FAXDC2: variants seen among roughly 807,000 people sequenced by gnomAD.
The protein encoded by FAXDC2 is fatty acid hydroxylase domain-containing protein 2.
Under a neutral mutation model 40.9 loss-of-function variants are expected in FAXDC2, and 41 were observed. That is an observed-to-expected ratio of 1.00 (90% CI 0.78 to 1.30). FAXDC2 has a LOEUF of 1.30. Among genes scored for constraint, FAXDC2 ranks in the 50% most tolerant of loss-of-function variants. FAXDC2 has a pLI of 0.00. For synonymous variants in FAXDC2, 157 were observed against 149.3 expected, an observed-to-expected ratio of 1.05 and a Z score of -0.38; for missense variants, 390 against 408.8, an observed-to-expected ratio of 0.95 and a Z score of 0.40.
chr5:154,846,490 G>A (rs1038632415), intron 1 of FAXDC2, among the ~76,000 whole-genome samples: 1 of 152,050 alleles, frequency 6.6e-6, no homozygotes, highest in African/African-American at 2.4e-5. Context: ...ATTTTAGAAT[G>A]GAATGCATTC....
rs1464097516 is a variant in FAXDC2 at position 154,834,055 on chromosome 5, ATG to A, written c.244+568_244+569del. 4.7e-5 allele frequency among the ~76,000 whole-genome samples: 7 copies of A among 148,456 alleles called. No homozygotes were observed. The East Asian group carries it at 9.7e-4, about 21-fold the overall frequency. On this transcript the variant is annotated intron_variant, in intron 4 of 8. Coordinates refer to ENST00000326080, the MANE Select transcript of FAXDC2 (RefSeq NM_032385.5). ...TATGTCATATTAATAATATAAATAA[ATG>A]TATATTATATATAATATATATTAAA...
rs561132814 is a variant in FAXDC2 at position 154,842,526 on chromosome 5, T to C, written c.1-4348A>G. On this transcript the variant is annotated intron_variant, in intron 1 of 8. Transcript: ENST00000326080. Reference sequence around the variant, plus strand: ...GCCCTTTGTGTGTTTTTTTTTTTTTTTTTTTTTTTTTTTTGAGACAGAGTC... The same window carrying C: ...GCCCTTTGTGTGTTTTTTTTTTTTTCTTTTTTTTTTTTTTGAGACAGAGTC... 4.0e-5 allele frequency among the ~76,000 whole-genome samples: 5 copies of C among 126,376 alleles called. No homozygotes were observed. The East Asian group carries it at 1.1e-3, about 28-fold the overall frequency. 82.9% of individuals were successfully genotyped at this position (126,376 alleles called of 152,430 possible).
chr5:154,820,253 A>G lies in FAXDC2; in HGVS notation c.*63T>C. The G allele has an allele frequency of 7.2e-7, 1 of 1,389,882 alleles. No homozygotes were observed. The highest frequency in any genetic ancestry group is 2.2e-5 in the Admixed American group (1 of 46,434). The allele number at this position is 1,389,882 out of a possible 1,614,324, so 86.1% of individuals were successfully genotyped here. A position where few individuals can be genotyped will look rare whatever the true frequency, so the allele number is the denominator to read the frequency against. ...CGAAGGAGGCAAATTGTTAGGTGCA[A>G]TCAGGAAGCCGTGTCTGCATCCCAT... On this transcript the variant is annotated 3_prime_UTR_variant, in exon 9 of 9. Transcript: ENST00000326080.
chr5:154,824,551 C>T lies in FAXDC2; in HGVS notation c.367-959G>A, dbSNP rs767294026. ...TCCATCCCATTGCGAGGCCAGGTCTCGCCAGCCTGTTGTGAGAGGACATGT... is the reference window on the plus strand; with the variant it reads ...TCCATCCCATTGCGAGGCCAGGTCTTGCCAGCCTGTTGTGAGAGGACATGT... On this transcript the variant is annotated intron_variant, in intron 5 of 8. Coordinates refer to ENST00000326080, the MANE Select transcript of FAXDC2 (RefSeq NM_032385.5). 324 of 702,576 alleles carry T rather than the reference C, an allele frequency of 4.6e-4. 2 individuals are homozygous for T. In the Middle Eastern group the frequency reaches 7.8e-3, roughly 17 times the overall value. 43.5% of individuals were successfully genotyped at this position (702,576 alleles called of 1,614,324 possible). A position where few individuals can be genotyped will look rare whatever the true frequency, so the allele number is the denominator to read the frequency against.
intron 5 of FAXDC2, among the ~76,000 whole-genome samples, chr5:154,828,088 G>A (rs1465544386): frequency 3.3e-5 from 5 of 151,566 alleles, no homozygotes; most frequent in Admixed American, 3.3e-4. Flanking sequence ...GGGCTCAAGT[G>A]ATCCTCCTGC....
chr5:154,834,785 C>T (rs753893266), intron 3 of FAXDC2, 57 bp from the exon 4 acceptor site: 15 of 1,591,422 alleles, frequency 9.4e-6, no homozygotes, highest in Admixed American at 1.7e-5. Flanking sequence ...GCTCCTTCCC[C>T]TATGCTCTGC....
rs1309249809 is a variant in FAXDC2, at chr5:154,820,330, T to C, written c.988A>G (p.Lys330Glu). Residue 330 changes from lysine (K) to glutamate (E), a missense_variant, in exon 9 of 9, where the codon AAG (lysine) becomes GAG (glutamate). Lys to Glu is a moderately conservative substitution (Grantham distance 56, BLOSUM62 1). Coordinates refer to ENST00000326080, the MANE Select transcript of FAXDC2 (RefSeq NM_032385.5). The stretch of plus-strand genomic sequence containing the variant: ...TAGGCTGTCTCTCACTCCATCCTCT[T>C]TGGGGAGTCTGGGATGCTCTCAGAG... Reference protein sequence around the residue: ...PLSESIPDSPKRME With the variant: ...PLSESIPDSPERME 2 of 1,610,648 alleles carry C rather than the reference T, an allele frequency of 1.2e-6. No individual in the cohort carries two copies. The highest frequency in any genetic ancestry group is 1.3e-5 in the African/African-American group (1 of 74,828).
intron 1 of FAXDC2, among the ~76,000 whole-genome samples, chr5:154,844,822 C>CA (rs1307836812): frequency 6.6e-6 from 1 of 152,168 alleles, no homozygotes. Flanking sequence ...GTTCACTCTA[C>CA]AGGGCAGAGT....
At position 154,834,743 on chromosome 5, in the gene FAXDC2, C is replaced by G; in HGVS notation, c.141-15G>C. ...TCTGAAGATGCCTTGGAAAAAAAAC[C>G]AGGTTTCTGGGTGAAGACTAGTGGG... is the stretch of plus-strand genomic sequence containing the variant. On this transcript the variant is annotated splice_polypyrimidine_tract_variant and intron_variant, in intron 3 of 8. Coordinates refer to ENST00000326080, the MANE Select transcript of FAXDC2 (RefSeq NM_032385.5). 6.2e-7 allele frequency: 1 copy of G among 1,612,884 alleles called. No homozygotes were observed. The highest frequency in any genetic ancestry group is 1.1e-5 in the South Asian group (1 of 90,990).
intron 2 of FAXDC2, chr5:154,835,232 C>T (rs1212633831): frequency 6.4e-6 from 2 of 311,524 alleles, no homozygotes; most frequent in Admixed American, 9.2e-5. Flanking sequence ...ACAGGCGAGC[C>T]TCTATCAGCC....
At chr5:154,845,726 A>ATT (rs1713359736) in intron 1 of FAXDC2, among the ~76,000 whole-genome samples, 1 of 151,430 alleles carries the variant, frequency 6.6e-6, no homozygotes, top group Non-Finnish European at 1.5e-5. Context: ...AGATGCCCCC[A>ATT]TTTTCCAACT....
chr5:154,826,237 G>T (rs932969671), intron 5 of FAXDC2, among the ~76,000 whole-genome samples: 1 of 152,016 alleles, frequency 6.6e-6, no homozygotes, highest in Non-Finnish European at 1.5e-5. Context: ...ACAATCAGAT[G>T]TGATGGGGAG....
intron 1 of FAXDC2, among the ~76,000 whole-genome samples, chr5:154,841,985 G>C (rs1271859125): frequency 6.6e-6 from 1 of 152,094 alleles, no homozygotes; most frequent in Non-Finnish European, 1.5e-5. Flanking sequence ...TGATCCACCT[G>C]CCTCGGCCTT....
At chr5:154,820,831 T>TA in intron 8 of FAXDC2, 1 of 247,192 alleles carries the variant, frequency 4.0e-6, no homozygotes, top group Non-Finnish European at 8.2e-6. Context: ...CTCCCCCAGA[T>TA]ACCTTAGTTC....
intron 5 of FAXDC2, among the ~76,000 whole-genome samples, chr5:154,828,958 C>T (rs1462119933): frequency 1.2e-4 from 17 of 147,246 alleles, no homozygotes; most frequent in Non-Finnish European, 2.2e-4. Flanking sequence ...CTTGCTCTGT[C>T]GCCCAGGCTG....
intron 1 of FAXDC2, among the ~76,000 whole-genome samples, chr5:154,844,539 T>C (rs1760552569): frequency 6.6e-6 from 1 of 152,210 alleles, no homozygotes; most frequent in Non-Finnish European, 1.5e-5. Context: ...TTTTTCCCTC[T>C]TTTTAAAGCA....
At chr5:154,841,050 A>ATCTGATATCCT (rs1760465482) in intron 1 of FAXDC2, among the ~76,000 whole-genome samples, 2 of 152,196 alleles carry the variant, frequency 1.3e-5, no homozygotes, top group African/African-American at 4.8e-5. Context: ...ATACCGAGGC[A>ATCTGATATCCT]TCTGATATCC....
chr5:154,837,925 G>T (rs1018656574), intron 2 of FAXDC2, among the ~76,000 whole-genome samples: 1 of 152,180 alleles, frequency 6.6e-6, no homozygotes, highest in African/African-American at 2.4e-5. Context: ...ACGCACATTC[G>T]CAGTCTGCAT....
intron 5 of FAXDC2, among the ~76,000 whole-genome samples, chr5:154,826,373 C>CA (rs1189583164): frequency 1.3e-5 from 2 of 151,514 alleles, no homozygotes; most frequent in Non-Finnish European, 2.9e-5. Context: ...ACTAAAAATA[C>CA]AAAAAATTAG....
Sources: allele counts gnomAD v4.1 joint callset (sites outside exome capture counted in the v4.1 genomes callset), GRCh38; gene constraint gnomAD v4.1.1; transcripts MANE v1.5; gene names NCBI Gene and HGNC (gene_info 2026-07-23, HGNC 2026-07-21).